Variants in NAALADL2 observed in about 807,000 individuals in gnomAD.
NAALADL2 encodes the protein N-acetylated alpha-linked acidic dipeptidase like 2.
A neutral mutation model predicts 87.2 loss-of-function variants in NAALADL2; 76 were observed. The observed-to-expected ratio is 0.87, with a 90% CI of 0.72 to 1.05. NAALADL2 has a LOEUF of 1.05. NAALADL2 is among the 50% of genes least tolerant of loss of function. The probability of loss-of-function intolerance (pLI) is 0.00; values close to 1 mark genes in which losing one functional copy is unlikely to be tolerated. For missense variants in NAALADL2, 1,089 were observed against 945.8 expected, an observed-to-expected ratio of 1.15 and a Z score of -1.99; for synonymous variants, 354 against 331.0, an observed-to-expected ratio of 1.07 and a Z score of -0.75.
chr3:175,134,452 A>G (rs1381408219), intron 2 of NAALADL2, among the ~76,000 whole-genome samples: 2 of 152,086 alleles, frequency 1.3e-5, no homozygotes, highest in Admixed American at 1.3e-4. Flanking sequence ...CTTTTTCATG[A>G]CTGTTTTGTA....
intron 1 of NAALADL2, among the ~76,000 whole-genome samples, chr3:174,971,405 T>C (rs1187649431): frequency 6.6e-6 from 1 of 152,208 alleles, no homozygotes; most frequent in Non-Finnish European, 1.5e-5. Context: ...GATGCCAAAA[T>C]AAGTTCCCTT....
At chr3:174,621,391 G>T (rs957048423) in intron 2 of NAALADL2, among the ~76,000 whole-genome samples, 9 of 152,052 alleles carry the variant, frequency 5.9e-5, no homozygotes, top group Non-Finnish European at 1.3e-4. Flanking sequence ...TTATCACTGG[G>T]ACTTGATCCA....
At chr3:175,475,011 A>C (rs1725472325) in intron 9 of NAALADL2, among the ~76,000 whole-genome samples, 2 of 113,616 alleles carry the variant, frequency 1.8e-5, no homozygotes, top group African/African-American at 3.2e-5. Flanking sequence ...TCTTTCATGC[A>C]CAAACATTTA....
At chr3:174,815,026 A>C (rs958833179) in intron 3 of NAALADL2, among the ~76,000 whole-genome samples, 2 of 152,218 alleles carry the variant, frequency 1.3e-5, no homozygotes, top group African/African-American at 4.8e-5. Flanking sequence ...TGTTTTATAT[A>C]ATTAATGCAA....
intron 1 of NAALADL2, among the ~76,000 whole-genome samples, chr3:175,050,300 TTGC>T (rs1755205413): frequency 6.6e-6 from 1 of 152,198 alleles, no homozygotes; most frequent in Admixed American, 6.6e-5. Context: ...TTCACTCTTG[TTGC>T]CCAGGCTGGA....
intron 11 of NAALADL2, among the ~76,000 whole-genome samples, chr3:175,641,430 G>A (rs1258856262): frequency 6.6e-6 from 1 of 152,060 alleles, no homozygotes; most frequent in Non-Finnish European, 1.5e-5. Flanking sequence ...TTCCTTGAGG[G>A]TAGAAACTAG....
chr3:174,988,351 G>C (rs1316182963), intron 1 of NAALADL2, among the ~76,000 whole-genome samples: 2 of 152,164 alleles, frequency 1.3e-5, no homozygotes, highest in East Asian at 3.9e-4. Context: ...ATAACTTATA[G>C]TCAGGACTTA....
intron 2 of NAALADL2, among the ~76,000 whole-genome samples, chr3:175,227,131 G>A (rs1043149018): frequency 2.4e-4 from 37 of 151,954 alleles, no homozygotes; most frequent in African/African-American, 8.2e-4. Flanking sequence ...TGTACTTCTA[G>A]TTCATCGTTC....
chr3:175,257,132 G>T (rs1165293215), intron 4 of NAALADL2: 2 of 149,996 alleles, frequency 1.3e-5, no homozygotes, highest in African/African-American at 4.9e-5. Context: ...AGTTTCTGAT[G>T]ATGAACCAGC....
At chr3:174,529,750 C>G (rs1721072432) in intron 1 of NAALADL2, among the ~76,000 whole-genome samples, 1 of 152,200 alleles carries the variant, frequency 6.6e-6, no homozygotes, top group Admixed American at 6.5e-5. Context: ...AGCTTGCACC[C>G]TCTGAAGCCA....
At chr3:174,719,870 TG>T (rs1731544289) in intron 2 of NAALADL2, among the ~76,000 whole-genome samples, 1 of 152,202 alleles carries the variant, frequency 6.6e-6, no homozygotes, top group Admixed American at 6.5e-5. Flanking sequence ...GGAGCGATCT[TG>T]GCTCACCGCA....
chr3:174,712,104 T>G (rs909681612), intron 2 of NAALADL2, among the ~76,000 whole-genome samples: 1 of 152,010 alleles, frequency 6.6e-6, no homozygotes, highest in African/African-American at 2.4e-5. Context: ...ATGAATTTCT[T>G]TTGCAGATCT....
chr3:174,764,665 T>G (rs1365103251), intron 3 of NAALADL2, among the ~76,000 whole-genome samples: 2 of 152,138 alleles, frequency 1.3e-5, no homozygotes, highest in East Asian at 1.9e-4. Flanking sequence ...AATATCACAC[T>G]GCTATTTGAA....
At chr3:175,579,614 C>T (rs999453441) in intron 10 of NAALADL2, among the ~76,000 whole-genome samples, 1 of 152,136 alleles carries the variant, frequency 6.6e-6, no homozygotes, top group African/African-American at 2.4e-5. Context: ...TTAATTGAAA[C>T]ATTTCCAGTT....
intron 9 of NAALADL2, among the ~76,000 whole-genome samples, chr3:175,552,912 A>G (rs1331247564): frequency 6.6e-6 from 1 of 152,088 alleles, no homozygotes; most frequent in African/African-American, 2.4e-5. Flanking sequence ...ATTTTAAGAG[A>G]TACTTCTGGT....
At chr3:174,934,775 T>A (rs1447664822) in intron 1 of NAALADL2, among the ~76,000 whole-genome samples, 1 of 152,056 alleles carries the variant, frequency 6.6e-6, no homozygotes, top group African/African-American at 2.4e-5. Flanking sequence ...TCTCAAAGAA[T>A]GCACAATGTT....
chr3:175,159,646 G>A (rs559151497), intron 2 of NAALADL2, among the ~76,000 whole-genome samples: 1 of 152,210 alleles, frequency 6.6e-6, no homozygotes, highest in South Asian at 2.1e-4. Flanking sequence ...TTGCATAAAG[G>A]AATATTTTTG....
At chr3:175,660,505 G>A (rs2149810546) in intron 11 of NAALADL2, among the ~76,000 whole-genome samples, 1 of 152,082 alleles carries the variant, frequency 6.6e-6, no homozygotes, top group South Asian at 2.1e-4. Context: ...CTTTCTTTAT[G>A]TTTGGAACAT....
intron 1 of NAALADL2, among the ~76,000 whole-genome samples, chr3:174,983,985 A>G (rs1432325822): frequency 2.0e-5 from 3 of 152,124 alleles, no homozygotes; most frequent in Non-Finnish European, 4.4e-5. Flanking sequence ...TTTCCTCTCC[A>G]CTTCACCCCA....
Sources: gnomAD v4.1 joint callset for allele counts (sites outside exome capture counted in the v4.1 genomes callset) on GRCh38, gnomAD v4.1.1 for gene constraint, MANE v1.5 for transcripts, NCBI Gene and HGNC (gene_info 2026-07-23, HGNC 2026-07-21) for gene names.